TJP2: variants seen among roughly 807,000 people sequenced by gnomAD.
TJP2 encodes Friedreich ataxia region gene X104 (tight junction protein ZO-2).
In TJP2, 91 loss-of-function variants were observed where a neutral mutation model predicts 133.1. The observed-to-expected ratio is 0.68, with a 90% CI of 0.58 to 0.81. TJP2 has a LOEUF of 0.81. TJP2 is among the 40% of genes least tolerant of loss of function. TJP2 has a pLI of 0.00. For synonymous variants in TJP2, 592 were observed against 583.4 expected, an observed-to-expected ratio of 1.01 and a Z score of -0.21; for missense variants, 1,541 against 1,565.6, an observed-to-expected ratio of 0.98 and a Z score of 0.26.
At chr9:69,137,287 CTTTCTTTCTTTCTTTTCTTTTCT>C (rs1366932567) in intron 1 of TJP2, among the ~76,000 whole-genome samples, 5,085 of 87,476 alleles carry the variant, frequency 0.058, 125 homozygotes, top group Non-Finnish European at 0.08. Context: ...TTCTTTCTTT[CTTTCTTTCTTTCTTTTCTTTTCT>C]TTTCTTTTCT....
chr9:69,225,266 T>A, intron 5 of TJP2, 38 bp from the exon 6 acceptor site: 1 of 1,356,766 alleles, frequency 7.4e-7, no homozygotes, highest in South Asian at 1.2e-5. Context: ...TTGAACAAAT[T>A]GATAACATAC....
rs201287214 is a variant in TJP2 at position 69,248,197 on chromosome 9, C to T, written c.2853C>T (p.Arg951=). ...AGCCGCTGGTGTCGTCCATCACCCG[C>T]TCCTCGGAGCCGGTGCAGCACGAGG... The part of the protein sequence containing the change: ...AEEPLVSSIT[R]SSEPVQHEES... Residue 951 remains arginine (R), a synonymous_variant, in exon 19 of 23, where the codon CGC becomes CGT. Coordinates refer to ENST00000377245, the MANE Select transcript of TJP2 (RefSeq NM_004817.4). The T allele has an allele frequency of 1.1e-5, 17 of 1,609,160 alleles. No individual in the cohort carries two copies. Among genetic ancestry groups the T allele is most frequent in the Non-Finnish European group, 1.4e-5 (16 of 1,177,482 alleles).
chr9:69,196,925 A>T (rs1826598554), intron 1 of TJP2, among the ~76,000 whole-genome samples: 1 of 56,852 alleles, frequency 1.8e-5, no homozygotes. Context: ...TTTTATATAT[A>T]TATGTGTGTG....
At chr9:69,238,048 A>C in intron 15 of TJP2, 75 bp downstream of exon 15, 1 of 1,026,716 alleles carries the variant, frequency 9.7e-7, no homozygotes. Flanking sequence ...TGGAAGAATC[A>C]TGAACACCCA....
intron 1 of TJP2, among the ~76,000 whole-genome samples, chr9:69,181,074 G>A (rs997414419): frequency 2.0e-5 from 3 of 152,078 alleles, no homozygotes; most frequent in Non-Finnish European, 4.4e-5. Flanking sequence ...TATATAGTGA[G>A]TAGATGATCG....
At chr9:69,168,806 A>T (rs1280967929) in intron 2 of TJP2, among the ~76,000 whole-genome samples, 35 of 150,154 alleles carry the variant, frequency 2.3e-4, no homozygotes, top group Admixed American at 6.6e-4. Flanking sequence ...GTCTCAAAAA[A>T]AAAAAAAAAA....
intron 1 of TJP2, among the ~76,000 whole-genome samples, chr9:69,205,690 A>G (rs577147000): frequency 1.3e-5 from 2 of 152,270 alleles, no homozygotes; most frequent in East Asian, 3.9e-4. Flanking sequence ...TTCCTCTTAC[A>G]GTTTGAACAT....
At chr9:69,226,221 T>C in intron 7 of TJP2, 46 bp downstream of exon 7, 1 of 1,596,714 alleles carries the variant, frequency 6.3e-7, no homozygotes, top group South Asian at 1.1e-5. Context: ...TAAGGAAGGC[T>C]GTTGCTTCCC....
At chr9:69,137,142 C>T (rs924378221) in intron 1 of TJP2, among the ~76,000 whole-genome samples, 8 of 152,100 alleles carry the variant, frequency 5.3e-5, no homozygotes, top group East Asian at 3.8e-4. Flanking sequence ...TTTCTCAGGT[C>T]GGCAGCCTCT....
chr9:69,251,447 G>A, intron 21 of TJP2, 83 bp downstream of exon 21: 2 of 1,432,930 alleles, frequency 1.4e-6, no homozygotes, highest in Non-Finnish European at 1.9e-6. Flanking sequence ...CCCCTTTGCT[G>A]CTGCTGCAGA....
chr9:69,191,592 G>A (rs187081863), intron 1 of TJP2, among the ~76,000 whole-genome samples: 11 of 152,292 alleles, frequency 7.2e-5, no homozygotes, highest in East Asian at 3.9e-4. Context: ...CTCCAGGTCC[G>A]TTAGCTGTTT....
intron 1 of TJP2, among the ~76,000 whole-genome samples, chr9:69,148,015 CCCG>C (rs1823291720): frequency 1.3e-5 from 2 of 151,848 alleles, no homozygotes; most frequent in South Asian, 4.2e-4. Context: ...ACCTCCGCCT[CCCG>C]GGTTCCAGAG....
chr9:69,204,134 C>T (rs571494253), intron 1 of TJP2, among the ~76,000 whole-genome samples: 7 of 152,256 alleles, frequency 4.6e-5, no homozygotes, highest in African/African-American at 7.2e-5. Flanking sequence ...GTGTATCCAA[C>T]GCCCCACAGC....
intron 20 of TJP2, among the ~76,000 whole-genome samples, chr9:69,250,635 G>A (rs1007913249): frequency 2.0e-5 from 3 of 152,156 alleles, no homozygotes; most frequent in Non-Finnish European, 4.4e-5. Flanking sequence ...GGTCTCACCT[G>A]GGCCGGCTCA....
Position 69,189,809 on chromosome 9 carries a change from T to C in TJP2, c.60+15377T>C, listed in dbSNP as rs145096181. Among the ~76,000 whole-genome samples, 1,086 of 110,374 alleles carry C rather than the reference T, an allele frequency of 9.8e-3. 317 individuals carry two copies. Among genetic ancestry groups the C allele is most frequent in the African/African-American group, 0.027 (793 of 29,540 alleles). 72.4% of individuals were successfully genotyped at this position (110,374 alleles called of 152,430 possible). A position where few individuals can be genotyped will look rare whatever the true frequency, so the allele number is the denominator to read the frequency against. ...ACTTCCAATGCCTATCCCCTCACTT[T>C]AAAAAAACTTCTCCTGGGCCAGGCA... On this transcript the variant is annotated intron_variant, in intron 1 of 22. Transcript: ENST00000377245.
At chr9:69,250,514 G>A (rs1831254877) in intron 20 of TJP2, among the ~76,000 whole-genome samples, 1 of 152,192 alleles carries the variant, frequency 6.6e-6, no homozygotes, top group South Asian at 2.1e-4. Flanking sequence ...AAATACATCA[G>A]CGAAAATTTG....
chr9:69,149,427 A>G (rs1823364641), intron 1 of TJP2, among the ~76,000 whole-genome samples: 2 of 151,934 alleles, frequency 1.3e-5, no homozygotes, highest in Non-Finnish European at 2.9e-5. Flanking sequence ...CTTGCTTTGT[A>G]GGATGTCCAG....
chr9:69,251,097 C>A lies in TJP2; in HGVS notation c.3054C>A (p.Asn1018Lys). ...CCAAATCCTATGAATATAAGTCAAA[C>A]CCCTCTGCCGTTGCTGGTAATGAAA... ...DFSKSYEYKS[N>K]PSAVAGNETP... The change falls in exon 21 of 23, where the codon AAC becomes AAA. Residue 1018 changes from asparagine to lysine, a missense_variant. Coordinates refer to ENST00000377245, the MANE Select transcript of TJP2 (RefSeq NM_004817.4). The A allele has an allele frequency of 6.2e-7, 1 of 1,614,184 alleles. No individual in the cohort carries two copies. Among genetic ancestry groups the A allele is most frequent in the Non-Finnish European group, 8.5e-7 (1 of 1,180,042 alleles).
chr9:69,166,255 TGTGTACCACCAGG>T (rs1489519275), intron 2 of TJP2, among the ~76,000 whole-genome samples: 1 of 152,062 alleles, frequency 6.6e-6, no homozygotes, highest in Non-Finnish European at 1.5e-5. Context: ...GGACTACAGG[TGTGTACCACCAGG>T]CCTAGCTGTT....
Sources: allele counts gnomAD v4.1 joint callset (sites outside exome capture counted in the v4.1 genomes callset), GRCh38; gene constraint gnomAD v4.1.1; transcripts MANE v1.5; gene names NCBI Gene and HGNC (gene_info 2026-07-23, HGNC 2026-07-21).